The following DLG2 variants were observed in gnomAD, a reference collection of about 807,000 sequenced individuals.
DLG2 encodes discs large MAGUK scaffold protein 2, also known as disks large homolog 2.
A neutral mutation model predicts 132.5 loss-of-function variants in DLG2; 45 were observed. The observed-to-expected ratio is 0.34, with a 90% confidence interval of 0.27 to 0.44. The LOEUF is 0.44. Among genes scored for constraint, DLG2 ranks in the 20% least tolerant of loss-of-function variants. DLG2 has a pLI of 1.00. For synonymous variants in DLG2, 424 were observed against 419.6 expected, an observed-to-expected ratio of 1.01 and a Z score of -0.13; for missense variants, 1,045 against 1,196.9, an observed-to-expected ratio of 0.87 and a Z score of 1.87.
chr11:83,844,789 G>C (rs1198749493), intron 16 of DLG2, among the ~76,000 whole-genome samples: 1 of 152,006 alleles, frequency 6.6e-6, no homozygotes, highest in Non-Finnish European at 1.5e-5. Context: ...TGGTGGTAGG[G>C]GTAACGTATG....
chr11:83,704,550 C>A (rs2083536162), intron 18 of DLG2, among the ~76,000 whole-genome samples: 1 of 151,222 alleles, frequency 6.6e-6, no homozygotes, highest in Non-Finnish European at 1.5e-5. Context: ...ACTGAGGTGG[C>A]TCATACCTGT....
chr11:84,777,682 C>T (rs1393163000), intron 6 of DLG2, among the ~76,000 whole-genome samples: 1 of 151,842 alleles, frequency 6.6e-6, no homozygotes, highest in Admixed American at 6.6e-5. Flanking sequence ...TAAGATATCT[C>T]ACTGTGGTTT....
intron 9 of DLG2, among the ~76,000 whole-genome samples, chr11:84,115,151 G>C (rs2093571598): frequency 6.6e-6 from 1 of 152,162 alleles, no homozygotes; most frequent in Non-Finnish European, 1.5e-5. Context: ...ACTAAAAGAT[G>C]TCATGTGTAA....
chr11:84,609,562 C>T (rs886468852), intron 6 of DLG2, among the ~76,000 whole-genome samples: 1 of 152,124 alleles, frequency 6.6e-6, no homozygotes, highest in Admixed American at 6.6e-5. Flanking sequence ...CTTAATTACA[C>T]TAGGCCTCAG....
intron 6 of DLG2, among the ~76,000 whole-genome samples, chr11:84,544,565 A>C (rs1315408226): frequency 1.3e-5 from 2 of 152,216 alleles, no homozygotes; most frequent in Non-Finnish European, 2.9e-5. Flanking sequence ...CACATAGTGG[A>C]AAGTGCATGA....
intron 7 of DLG2, among the ~76,000 whole-genome samples, chr11:84,469,661 TAATTA>T (rs1440769276): frequency 6.6e-6 from 1 of 151,650 alleles, no homozygotes; most frequent in Non-Finnish European, 1.5e-5. Context: ...TCTTCCTATC[TAATTA>T]TAGACAAAAT....
chr11:83,787,334 T>C (rs538979193), intron 17 of DLG2, among the ~76,000 whole-genome samples: 1 of 116,792 alleles, frequency 8.6e-6, no homozygotes, highest in Non-Finnish European at 1.8e-5. Flanking sequence ...TTTTTTTTTT[T>C]TTTTTTAGAC....
chr11:85,098,557 T>TA (rs2070307660), intron 6 of DLG2, among the ~76,000 whole-genome samples: 1 of 152,214 alleles, frequency 6.6e-6, no homozygotes, highest in Non-Finnish European at 1.5e-5. Context: ...TACAACTTTT[T>TA]AATGTAAATG....
intron 6 of DLG2, among the ~76,000 whole-genome samples, chr11:84,622,604 C>T (rs1460872311): frequency 6.6e-6 from 1 of 152,134 alleles, no homozygotes. Flanking sequence ...GAGGGGAGAA[C>T]ATTGCCAGGG....
intron 19 of DLG2, among the ~76,000 whole-genome samples, chr11:83,587,648 G>A (rs1202527779): frequency 6.6e-6 from 1 of 152,142 alleles, no homozygotes; most frequent in African/African-American, 2.4e-5. Flanking sequence ...TATATAGAGA[G>A]GAATAGGAAC....
intron 6 of DLG2, among the ~76,000 whole-genome samples, chr11:85,107,517 A>G (rs747052081): frequency 6.6e-6 from 1 of 152,020 alleles, no homozygotes; most frequent in Non-Finnish European, 1.5e-5. Flanking sequence ...TCATATCCAA[A>G]GTTCTTTAAT....
At chr11:84,951,492 A>C (rs2050907218) in intron 6 of DLG2, among the ~76,000 whole-genome samples, 1 of 152,050 alleles carries the variant, frequency 6.6e-6, no homozygotes, top group Non-Finnish European at 1.5e-5. Flanking sequence ...AACAGAAATA[A>C]AATGTTTGAT....
At chr11:84,341,682 C>T (rs2098515689) in intron 7 of DLG2, among the ~76,000 whole-genome samples, 1 of 152,226 alleles carries the variant, frequency 6.6e-6, no homozygotes, top group Non-Finnish European at 1.5e-5. Flanking sequence ...CCTAGATAAA[C>T]CCACTGCTAG....
intron 14 of DLG2, among the ~76,000 whole-genome samples, chr11:83,952,238 T>C (rs755013439): frequency 1.3e-5 from 2 of 151,956 alleles, no homozygotes; most frequent in African/African-American, 4.8e-5. Flanking sequence ...CCCAACTACT[T>C]GGAAGGCTGA....
At chr11:84,877,717 T>C (rs561405502) in intron 6 of DLG2, among the ~76,000 whole-genome samples, 82 of 151,930 alleles carry the variant, frequency 5.4e-4, no homozygotes, top group Non-Finnish European at 1.0e-3. Flanking sequence ...AATATTGTTA[T>C]GTGTGAATTA....
At chr11:83,478,171 C>T (rs888036137) in intron 22 of DLG2, among the ~76,000 whole-genome samples, 7 of 152,066 alleles carry the variant, frequency 4.6e-5, no homozygotes, top group African/African-American at 1.7e-4. Context: ...ATAGTAGGTA[C>T]CGAATGAATA....
chr11:84,883,738 A>C (rs934692282), intron 6 of DLG2, among the ~76,000 whole-genome samples: 3 of 152,092 alleles, frequency 2.0e-5, no homozygotes, highest in Admixed American at 1.3e-4. Context: ...AAGTAATTTA[A>C]ATGAGTTTTT....
At chr11:85,594,772 T>A (rs1425222) in intron 3 of DLG2, among the ~76,000 whole-genome samples, 17,930 of 152,116 alleles carry the variant, frequency 0.12, 1,318 homozygotes, top group East Asian at 0.29. Context: ...AAATAATTTT[T>A]AAAAATGATT....
At chr11:84,653,112 T>C (rs574800640) in intron 6 of DLG2, among the ~76,000 whole-genome samples, 1 of 152,212 alleles carries the variant, frequency 6.6e-6, no homozygotes, top group Admixed American at 6.5e-5. Flanking sequence ...GTATTTTTAG[T>C]AGAGACAGGA....
Sources: gnomAD v4.1 joint callset for allele counts (sites outside exome capture counted in the v4.1 genomes callset) on GRCh38, gnomAD v4.1.1 for gene constraint, MANE v1.5 for transcripts, NCBI Gene and HGNC (gene_info 2026-07-23, HGNC 2026-07-21) for gene names.